Variants in CHST9 observed in about 807,000 individuals in gnomAD.
The protein encoded by CHST9 is carbohydrate sulfotransferase 9.
Under a neutral mutation model 44.4 loss-of-function variants are expected in CHST9, and 41 were observed. That is an observed-to-expected ratio of 0.92 (90% CI 0.72 to 1.20). The LOEUF (loss-of-function observed/expected upper bound fraction) is 1.20. Ranked by LOEUF, CHST9 falls within the 50% of genes most tolerant of loss-of-function variation. CHST9 has a pLI of 0.00. For synonymous variants in CHST9, 171 were observed against 178.4 expected, an observed-to-expected ratio of 0.96 and a Z score of 0.33; for missense variants, 504 against 516.5, an observed-to-expected ratio of 0.98 and a Z score of 0.23.
intron 5 of CHST9, chr18:26,933,710 G>A (rs1370503011): frequency 6.5e-6 from 1 of 153,684 alleles, no homozygotes; most frequent in African/African-American, 2.4e-5. Flanking sequence ...TGGTGTTGGG[G>A]CTAGGGGGCA....
intron 1 of CHST9, among the ~76,000 whole-genome samples, chr18:27,168,757 A>T (rs1482848230): frequency 6.6e-6 from 1 of 152,188 alleles, no homozygotes; most frequent in African/African-American, 2.4e-5. Context: ...TGCAAACAAG[A>T]CCTATAATTC....
chr18:26,945,721 T>C (rs1024926533), intron 4 of CHST9, among the ~76,000 whole-genome samples: 3 of 152,198 alleles, frequency 2.0e-5, no homozygotes, highest in Non-Finnish European at 4.4e-5. Context: ...AAAGCTGCTA[T>C]AAACATTTTT....
At chr18:27,092,908 G>A (rs2058083151) in intron 2 of CHST9, among the ~76,000 whole-genome samples, 1 of 152,166 alleles carries the variant, frequency 6.6e-6, no homozygotes, top group Non-Finnish European at 1.5e-5. Flanking sequence ...GTGCCGAGAA[G>A]AATGTATATT....
intron 1 of CHST9, among the ~76,000 whole-genome samples, chr18:27,157,231 G>T (rs535653044): frequency 3.3e-5 from 5 of 151,574 alleles, no homozygotes; most frequent in African/African-American, 1.2e-4. Flanking sequence ...CTAGGCATCA[G>T]ATGTGTTGTT....
intron 4 of CHST9, among the ~76,000 whole-genome samples, chr18:26,988,515 TG>T (rs1230767719): frequency 6.6e-5 from 10 of 152,206 alleles, no homozygotes; most frequent in African/African-American, 2.4e-4. Context: ...TAAGTGTTTA[TG>T]TCCCTAAAAA....
chr18:27,063,629 A>C (rs1437002142), intron 2 of CHST9, among the ~76,000 whole-genome samples: 1 of 152,114 alleles, frequency 6.6e-6, no homozygotes, highest in Non-Finnish European at 1.5e-5. Flanking sequence ...GAAATGGGTC[A>C]TTTCTATTCT....
At chr18:27,088,563 T>C (rs1042327021) in intron 2 of CHST9, among the ~76,000 whole-genome samples, 1 of 151,872 alleles carries the variant, frequency 6.6e-6, no homozygotes, top group Admixed American at 6.6e-5. Flanking sequence ...CCCAGCTAAT[T>C]TTTGTATTTT....
intron 2 of CHST9, among the ~76,000 whole-genome samples, chr18:27,141,319 C>T (rs942675996): frequency 6.6e-6 from 1 of 151,870 alleles, no homozygotes; most frequent in African/African-American, 2.4e-5. Flanking sequence ...GAGCTGAGAT[C>T]GCGCCACTGC....
chr18:27,162,563 T>C (rs547671857), intron 1 of CHST9, among the ~76,000 whole-genome samples: 1 of 152,312 alleles, frequency 6.6e-6, no homozygotes, highest in African/African-American at 2.4e-5. Flanking sequence ...ATTTCAACTT[T>C]GGTGAATCTG....
chr18:27,147,069 T>A (rs2058618381), intron 1 of CHST9, among the ~76,000 whole-genome samples: 1 of 152,044 alleles, frequency 6.6e-6, no homozygotes, highest in Admixed American at 6.6e-5. Context: ...TATTTTTTTA[T>A]TTTTATTTTT....
intron 2 of CHST9, among the ~76,000 whole-genome samples, chr18:27,073,590 T>C (rs948664534): frequency 6.6e-6 from 1 of 151,792 alleles, no homozygotes; most frequent in Admixed American, 6.6e-5. Flanking sequence ...GACAGGAAGG[T>C]TCCTAGGGGT....
intron 5 of CHST9, among the ~76,000 whole-genome samples, chr18:26,925,184 G>T (rs1439559863): frequency 2.0e-5 from 3 of 152,180 alleles, no homozygotes; most frequent in Admixed American, 2.0e-4. Context: ...TGGCTCGCAG[G>T]TGAGGGAGGG....
Position 26,907,992 on chromosome 18 carries a change from C to G in CHST9, c.*8267G>C, listed in dbSNP as rs2055391288. 6.4e-6 allele frequency: 1 copy of G among 155,466 alleles called. No homozygotes were observed. The highest frequency in any genetic ancestry group is 2.4e-5 in the African/African-American group (1 of 41,534). 9.6% of individuals were successfully genotyped at this position (155,466 alleles called of 1,614,324 possible). ...AGACAAAAGGTAGAATGATGGTTGC[C>G]AGAACTGGGGGAGGGCAAAAAGTGA... is the stretch of plus-strand genomic sequence containing the variant. On this transcript the variant is annotated 3_prime_UTR_variant, in exon 6 of 6. Coordinates refer to ENST00000618847, the MANE Select transcript of CHST9 (RefSeq NM_031422.6).
chr18:27,088,881 A>C (rs1442172505), intron 2 of CHST9, among the ~76,000 whole-genome samples: 1 of 152,198 alleles, frequency 6.6e-6, no homozygotes, highest in Non-Finnish European at 1.5e-5. Flanking sequence ...ATCCTCCTAC[A>C]GAATGCCCAG....
chr18:27,150,631 T>G (rs763001023), intron 1 of CHST9, among the ~76,000 whole-genome samples: 11 of 152,238 alleles, frequency 7.2e-5, no homozygotes, highest in Non-Finnish European at 1.6e-4. Context: ...TGTTTTTTCA[T>G]TTTTAAATTT....
intron 2 of CHST9, among the ~76,000 whole-genome samples, chr18:27,120,579 G>A (rs1020464931): frequency 2.0e-5 from 3 of 147,690 alleles, no homozygotes; most frequent in Admixed American, 1.3e-4. Context: ...AGTAATCCAC[G>A]TTAAAAAAAA....
intron 2 of CHST9, among the ~76,000 whole-genome samples, chr18:27,119,919 A>T (rs148734484): frequency 1.3e-4 from 20 of 152,314 alleles, no homozygotes; most frequent in South Asian, 6.2e-4. Context: ...TTAGTGTGGG[A>T]GATCAATACT....
At chr18:27,129,006 A>G (rs1337535907) in intron 2 of CHST9, among the ~76,000 whole-genome samples, 1 of 152,164 alleles carries the variant, frequency 6.6e-6, no homozygotes, top group Non-Finnish European at 1.5e-5. Context: ...TTCAGTAGGG[A>G]AGGAGGCAGG....
intron 2 of CHST9, among the ~76,000 whole-genome samples, chr18:27,115,728 G>T (rs778316771): frequency 2.0e-5 from 3 of 152,048 alleles, no homozygotes; most frequent in Non-Finnish European, 2.9e-5. Flanking sequence ...ACCTAGGCTG[G>T]TCTTGAACTC....
Sources: allele counts gnomAD v4.1 joint callset (sites outside exome capture counted in the v4.1 genomes callset), GRCh38; gene constraint gnomAD v4.1.1; transcripts MANE v1.5; gene names NCBI Gene and HGNC (gene_info 2026-07-23, HGNC 2026-07-21).